The following JPH1 variants were observed in gnomAD, a reference collection of about 807,000 sequenced individuals.
The protein encoded by JPH1 is junctophilin 1.
A neutral mutation model predicts 53.6 loss-of-function variants in JPH1; 12 were observed. The ratio of observed to expected loss-of-function variants is 0.22; its 90% CI spans 0.14 to 0.36. The LOEUF (loss-of-function observed/expected upper bound fraction) is 0.36. JPH1 is among the 10% of genes least tolerant of loss of function. The probability of loss-of-function intolerance (pLI) is 1.00; values close to 1 mark genes in which losing one functional copy is unlikely to be tolerated. For missense variants in JPH1, 808 were observed against 905.5 expected (o/e 0.89, Z 1.38); for synonymous variants, 375 against 363.8 (o/e 1.03, Z -0.35).
intron 2 of JPH1, among the ~76,000 whole-genome samples, chr8:74,297,536 A>G (rs976158680): frequency 1.9e-4 from 29 of 152,106 alleles, no homozygotes; most frequent in African/African-American, 6.5e-4. Context: ...TACCGACTCC[A>G]TGCAGTTAAA....
intron 2 of JPH1, among the ~76,000 whole-genome samples, chr8:74,291,749 T>G (rs1018376283): frequency 6.6e-6 from 1 of 151,962 alleles, no homozygotes; most frequent in Non-Finnish European, 1.5e-5. Flanking sequence ...TGGCACTATT[T>G]ACAATAGCAA....
chr8:74,321,216 G>A lies in JPH1; in HGVS notation c.72C>T (p.His24=). ...TGGGCCCCGTGCAGATGCCATGCCC[G>A]TGCGCCTTGCCCTCCTCCCAGCCGC... The part of the protein sequence containing the change: ...YCGGWEEGKA[H]GHGICTGPKG... Residue 24 remains histidine (H), a synonymous_variant, in exon 1 of 6, where the codon CAC becomes CAT. Transcript: ENST00000342232. This position sits in a 1 kb window ranked among gnomAD's most constrained non-coding sequence, Gnocchi z 4.3. 4.3e-6 allele frequency: 7 copies of A among 1,610,960 alleles called. No individual in the cohort carries two copies. The highest frequency in any genetic ancestry group is 5.9e-6 in the Non-Finnish European group (7 of 1,178,992).
rs1474425529 is a variant in JPH1, at chr8:74,235,745, T to C, written c.*1306A>G. 2.0e-5 allele frequency: 3 copies of C among 152,550 alleles called. No individual in the cohort carries two copies. The highest frequency in any genetic ancestry group is 4.4e-5 in the Non-Finnish European group (3 of 68,032). The allele number at this position is 152,550 out of a possible 1,614,324, so 9.4% of individuals were successfully genotyped here. A position where few individuals can be genotyped will look rare whatever the true frequency, so the allele number is the denominator to read the frequency against. On this transcript the variant is annotated 3_prime_UTR_variant, in exon 6 of 6. Transcript: ENST00000342232. The stretch of plus-strand genomic sequence containing the variant: ...CAGAAATGTCAGAATGACAAAAGAC[T>C]GTAAAAGACACATATTTAAAATAAA...
chr8:74,271,537 T>C (rs1460484764), intron 2 of JPH1, among the ~76,000 whole-genome samples: 1 of 152,252 alleles, frequency 6.6e-6, no homozygotes, highest in Non-Finnish European at 1.5e-5. Context: ...CCTTACTGGC[T>C]GACTCTGCCC....
At chr8:74,267,387 A>G (rs1806564525) in intron 2 of JPH1, among the ~76,000 whole-genome samples, 1 of 152,242 alleles carries the variant, frequency 6.6e-6, no homozygotes, top group Non-Finnish European at 1.5e-5. Flanking sequence ...AGAGCTGTTC[A>G]CAGTTCTTGT....
chr8:74,262,280 C>A (rs1806416632), intron 2 of JPH1, among the ~76,000 whole-genome samples: 1 of 152,162 alleles, frequency 6.6e-6, no homozygotes, highest in African/African-American at 2.4e-5. Flanking sequence ...AGATTTTGCC[C>A]AGGAATAATC....
chr8:74,268,517 A>G (rs953871449), intron 2 of JPH1, among the ~76,000 whole-genome samples: 1 of 152,106 alleles, frequency 6.6e-6, no homozygotes, highest in African/African-American at 2.4e-5. Context: ...GAAGTTAGGA[A>G]CAAGTGAAAA....
chr8:74,270,421 C>T (rs1356580559), intron 2 of JPH1, among the ~76,000 whole-genome samples: 1 of 152,046 alleles, frequency 6.6e-6, no homozygotes, highest in Non-Finnish European at 1.5e-5. Flanking sequence ...CTGTGTTACA[C>T]CAAAAACAAA....
chr8:74,289,396 T>C (rs1807258157), intron 2 of JPH1, among the ~76,000 whole-genome samples: 1 of 152,212 alleles, frequency 6.6e-6, no homozygotes, highest in Non-Finnish European at 1.5e-5. Context: ...TGGTGATTAA[T>C]GCTTTGACTG....
At chr8:74,279,704 G>A (rs1459415492) in intron 2 of JPH1, among the ~76,000 whole-genome samples, 1 of 152,116 alleles carries the variant, frequency 6.6e-6, no homozygotes, top group Non-Finnish European at 1.5e-5. Context: ...CTCTCCCCTT[G>A]CTATAAAAGC....
At chr8:74,288,658 A>G (rs1431970570) in intron 2 of JPH1, among the ~76,000 whole-genome samples, 1 of 152,254 alleles carries the variant, frequency 6.6e-6, no homozygotes, top group Non-Finnish European at 1.5e-5. Flanking sequence ...AAGGTGAAAC[A>G]CAGAGTTAAG....
At chr8:74,306,996 C>T (rs534761007) in intron 2 of JPH1, among the ~76,000 whole-genome samples, 45 of 102,052 alleles carry the variant, frequency 4.4e-4, no homozygotes, top group Admixed American at 1.2e-3. Flanking sequence ...GCTCACTTTT[C>T]AGTCTTAAAA....
chr8:74,245,285 T>C (rs975152685), intron 3 of JPH1, 110 bp from the exon 4 acceptor site: 1 of 906,024 alleles, frequency 1.1e-6, no homozygotes, highest in African/African-American at 1.7e-5. Context: ...TCATAAGGCT[T>C]TGACTAAACA....
chr8:74,277,908 C>A (rs377152960), intron 2 of JPH1, among the ~76,000 whole-genome samples: 1 of 152,044 alleles, frequency 6.6e-6, no homozygotes, highest in South Asian at 2.1e-4. Context: ...TCCCATTCAC[C>A]CTGATATCAA....
chr8:74,267,651 G>T (rs941991213), intron 2 of JPH1, among the ~76,000 whole-genome samples: 1 of 152,208 alleles, frequency 6.6e-6, no homozygotes, highest in Non-Finnish European at 1.5e-5. Flanking sequence ...GTGGGCAGAA[G>T]AAGCCGAGGA....
rs3780011 is a variant in JPH1, at chr8:74,234,933, A to G, written c.*2118T>C. On this transcript the variant is annotated 3_prime_UTR_variant, in exon 6 of 6. Transcript: ENST00000342232. ...AACCCATTAGAAAGAGCCTTCATGTAAAATACAGCTGTGCACATTTTAGAA... is the reference window on the plus strand; with the variant it reads ...AACCCATTAGAAAGAGCCTTCATGTGAAATACAGCTGTGCACATTTTAGAA... 14 of 152,790 alleles carry G rather than the reference A, an allele frequency of 9.2e-5. No homozygotes were observed. The East Asian group carries it at 2.5e-3, about 27-fold the overall frequency. The allele number at this position is 152,790 out of a possible 1,614,324, so 9.5% of individuals were successfully genotyped here.
At chr8:74,274,306 A>G (rs1041332522) in intron 2 of JPH1, among the ~76,000 whole-genome samples, 2 of 152,244 alleles carry the variant, frequency 1.3e-5, no homozygotes, top group African/African-American at 4.8e-5. Flanking sequence ...AACGTGAACA[A>G]TAATGAAAGG....
At chr8:74,283,529 G>A (rs1052842721) in intron 2 of JPH1, among the ~76,000 whole-genome samples, 13 of 152,178 alleles carry the variant, frequency 8.5e-5, no homozygotes, top group Admixed American at 2.0e-4. Context: ...AAAAGGGAAA[G>A]GAAGGTGAGA....
intron 2 of JPH1, among the ~76,000 whole-genome samples, chr8:74,306,458 A>G (rs999332071): frequency 6.6e-6 from 1 of 152,222 alleles, no homozygotes; most frequent in East Asian, 1.9e-4. Flanking sequence ...GAAGAGAAAC[A>G]TATTTGAAAA....
Sources: allele counts gnomAD v4.1 joint callset (sites outside exome capture counted in the v4.1 genomes callset), GRCh38; gene constraint gnomAD v4.1.1; non-coding constraint Gnocchi (gnomAD v3.1); transcripts MANE v1.5; gene names NCBI Gene and HGNC (gene_info 2026-07-23, HGNC 2026-07-21).